Variants in CACNA1B observed in about 807,000 individuals in gnomAD.
CACNA1B encodes calcium voltage-gated channel subunit alpha1 B.
In CACNA1B, 70 loss-of-function variants were observed where a neutral mutation model predicts 247.2. That is an observed-to-expected ratio of 0.28 (90% confidence interval 0.23 to 0.35). CACNA1B has a LOEUF of 0.35. Among genes scored for constraint, CACNA1B ranks in the 10% least tolerant of loss-of-function variants. The probability of loss-of-function intolerance (pLI) is 1.00; values close to 1 mark genes in which losing one functional copy is unlikely to be tolerated. For missense variants in CACNA1B, 2,367 were observed against 3,197.4 expected (o/e 0.74, Z 6.26); for synonymous variants, 1,231 against 1,294.4 (o/e 0.95, Z 1.05).
chr9:138,025,027 T>C lies in CACNA1B; in HGVS notation c.3141T>C (p.Cys1047=). Reference sequence around the variant, plus strand: ...CCATGCACACACTGCCCAGCACCTGTCTCCAGAAGGTGGAGGAACAGCCAG... The same window carrying C: ...CCATGCACACACTGCCCAGCACCTGCCTCCAGAAGGTGGAGGAACAGCCAG... ...VGPMHTLPST[C]LQKVEEQPED... Residue 1047 remains cysteine (C), a synonymous_variant, in exon 20 of 47, where the codon TGT becomes TGC. Transcript: ENST00000371372. 1 of 1,605,834 alleles carries C rather than the reference T, an allele frequency of 6.2e-7. No individual in the cohort carries two copies. Among genetic ancestry groups the C allele is most frequent in the Non-Finnish European group, 8.5e-7 (1 of 1,176,178 alleles).
chr9:137,965,249 G>A (rs2133356641), intron 10 of CACNA1B, among the ~76,000 whole-genome samples: 1 of 152,350 alleles, frequency 6.6e-6, no homozygotes, highest in East Asian at 1.9e-4. Flanking sequence ...AGATGCCTTC[G>A]TTCCCTGATC....
chr9:138,057,140 T>C lies in CACNA1B; in HGVS notation c.3969-592T>C, dbSNP rs1388202745. Among the ~76,000 whole-genome samples the C allele has an allele frequency of 1.3e-5, 2 of 152,094 alleles. No individual in the cohort carries two copies. The highest frequency in any genetic ancestry group is 2.1e-4 in the South Asian group (1 of 4,808). ...TTTTAGTAGAGACGGGGGTTCACCATGTTAGCCAGGATGGTCTCCATCTCC... is the reference window on the plus strand; with the variant it reads ...TTTTAGTAGAGACGGGGGTTCACCACGTTAGCCAGGATGGTCTCCATCTCC... On this transcript the variant is annotated intron_variant, in intron 26 of 46. Transcript: ENST00000371372. This position sits in a 1 kb window ranked among gnomAD's most constrained non-coding sequence, Gnocchi z 4.0.
At chr9:138,085,545 A>G (rs971138786) in intron 36 of CACNA1B, among the ~76,000 whole-genome samples, 8 of 151,256 alleles carry the variant, frequency 5.3e-5, no homozygotes, top group African/African-American at 1.2e-4. Context: ...CAGTCCCCCA[A>G]TAGATTCAAC....
chr9:137,903,200 G>A (rs942436981), intron 3 of CACNA1B, among the ~76,000 whole-genome samples: 4 of 152,048 alleles, frequency 2.6e-5, no homozygotes, highest in Non-Finnish European at 4.4e-5. Flanking sequence ...TGGTCAACAC[G>A]GTGAAACCCC....
At chr9:138,096,197 C>G (rs533690226) in intron 36 of CACNA1B, among the ~76,000 whole-genome samples, 9 of 152,162 alleles carry the variant, frequency 5.9e-5, no homozygotes, top group Admixed American at 5.9e-4. Context: ...GAAGGCCAGT[C>G]TGAGAGGGAA....
At chr9:137,933,374 A>G (rs1425807563) in intron 6 of CACNA1B, among the ~76,000 whole-genome samples, 1 of 152,166 alleles carries the variant, frequency 6.6e-6, no homozygotes, top group African/African-American at 2.4e-5. Context: ...TCAAGGTTCC[A>G]AGGACCGGAC....
intron 20 of CACNA1B, among the ~76,000 whole-genome samples, chr9:138,039,768 C>T (rs758968529): frequency 2.0e-5 from 3 of 151,918 alleles, no homozygotes; most frequent in Admixed American, 1.3e-4. Flanking sequence ...TTTTCATGGT[C>T]GGCTTTTGTT....
chr9:138,120,482 C>T (rs781641956), intron 45 of CACNA1B, 110 bp downstream of exon 45: 18 of 1,388,036 alleles, frequency 1.3e-5, no homozygotes, highest in Non-Finnish European at 1.7e-5. Context: ...GACCCCATAA[C>T]CAGCCAGAGC....
chr9:137,986,644 AC>A lies in CACNA1B; in HGVS notation c.1901+102del. On this transcript the variant is annotated intron_variant, in intron 14 of 46. Transcript: ENST00000371372. This position sits in a 1 kb window ranked among gnomAD's most constrained non-coding sequence, Gnocchi z 6.0. ...CCAGGCTGCCTCCACCCACCTTCCC[AC>A]CAGGAAGGTCCTCAGAGGGGCCAGT... is the stretch of plus-strand genomic sequence containing the variant. 1 of 1,476,112 alleles carries A rather than the reference AC, an allele frequency of 6.8e-7. No individual in the cohort carries two copies. The highest frequency in any genetic ancestry group is 9.4e-7 in the Non-Finnish European group (1 of 1,058,772). 91.4% of individuals were successfully genotyped at this position (1,476,112 alleles called of 1,614,324 possible).
intron 12 of CACNA1B, 47 bp from the exon 13 acceptor site, chr9:137,984,091 A>G: frequency 7.4e-7 from 1 of 1,347,754 alleles, no homozygotes; most frequent in Non-Finnish European, 1.0e-6. Context: ...ATCTGCATGC[A>G]CAGGTGCAGA....
rs1962181800 is a variant in CACNA1B, at chr9:138,123,857, G to C, written c.*1858G>C. 1 of 152,180 alleles carries C rather than the reference G, an allele frequency of 6.6e-6. No homozygotes were observed. The highest frequency in any genetic ancestry group is 1.9e-4 in the East Asian group (1 of 5,198). The allele number at this position is 152,180 out of a possible 1,614,324, so 9.4% of individuals were successfully genotyped here. A position where few individuals can be genotyped will look rare whatever the true frequency, so the allele number is the denominator to read the frequency against. Reference sequence around the variant, plus strand: ...CTCGGACTGTGCATGTGATCACTGTGCTCCTGTTGCAAAGTAGAAGGATGT... The same window carrying C: ...CTCGGACTGTGCATGTGATCACTGTCCTCCTGTTGCAAAGTAGAAGGATGT... On this transcript the variant is annotated 3_prime_UTR_variant, in exon 47 of 47. Transcript: ENST00000371372.
Position 137,952,327 on chromosome 9 carries a change from C to G in CACNA1B, c.1020C>G (p.Ile340Met). ...ACTGGCTCTACTTCATCCCTCTCAT[C>G]ATCATCGGCTCCTTCTTCATGCTCA... ...TWNWLYFIPLIIIGSFFMLNL... is the reference protein window; with the variant it reads ...TWNWLYFIPLMIIGSFFMLNL... Residue 340 changes from isoleucine to methionine, a missense_variant, in exon 7 of 47, where the codon ATC becomes ATG. This residue lies in a region of CACNA1B where 32 missense variants were observed against 37.2 expected (regional missense o/e 0.86). Transcript: ENST00000371372. The surrounding 1 kb of genome is among the most constrained non-coding windows in gnomAD (Gnocchi z 4.8). 6.2e-7 allele frequency: 1 copy of G among 1,613,934 alleles called. No individual in the cohort carries two copies.
In CACNA1B at chr9:137,884,957, T is replaced by TCCC. The variant is rs370592773; in HGVS notation, c.530+2083_530+2085dup. On this transcript the variant is annotated intron_variant, in intron 3 of 46. Transcript: ENST00000371372. ...TCTCCCTCTCCCTCCTCTCCCCTCT[T>TCCC]CCCCCCCCCCCTCCTCCCACTTTGC... 2.7e-3 allele frequency among the ~76,000 whole-genome samples: 166 copies of TCCC among 60,394 alleles called. 2 individuals are homozygous for TCCC. In the East Asian group the frequency reaches 0.032, roughly 12 times the overall value. The allele number at this position is 60,394 out of a possible 152,430, so 39.6% of individuals were successfully genotyped here. A position where few individuals can be genotyped will look rare whatever the true frequency, so the allele number is the denominator to read the frequency against.
chr9:138,001,628 C>G (rs533865398), intron 15 of CACNA1B, among the ~76,000 whole-genome samples: 5 of 151,930 alleles, frequency 3.3e-5, no homozygotes, highest in Admixed American at 2.6e-4. Flanking sequence ...TAGAAAAAAA[C>G]TATTATTATT....
chr9:138,102,915 T>C lies in CACNA1B; in HGVS notation c.5319+108T>C. Reference sequence around the variant, plus strand: ...CCCTTTCAGGGTGCCCGGCTGTCTGTCTGCCGCTCTGCTGTGCGCCCCCGG... The same window carrying C: ...CCCTTTCAGGGTGCCCGGCTGTCTGCCTGCCGCTCTGCTGTGCGCCCCCGG... On this transcript the variant is annotated intron_variant, in intron 38 of 46. Transcript: ENST00000371372. This position sits in a 1 kb window ranked among gnomAD's most constrained non-coding sequence, Gnocchi z 5.4. The C allele has an allele frequency of 1.5e-6, 1 of 653,936 alleles. No individual in the cohort carries two copies. The highest frequency in any genetic ancestry group is 2.9e-5 in the East Asian group (1 of 34,852). The allele number at this position is 653,936 out of a possible 1,614,324, so 40.5% of individuals were successfully genotyped here.
At chr9:137,883,541 C>T (rs1274026085) in intron 3 of CACNA1B, among the ~76,000 whole-genome samples, 1 of 150,390 alleles carries the variant, frequency 6.6e-6, no homozygotes, top group African/African-American at 2.4e-5. Flanking sequence ...CAGTGCTCTG[C>T]ACCCCACCCT....
intron 12 of CACNA1B, among the ~76,000 whole-genome samples, chr9:137,978,195 C>A (rs1189380467): frequency 1.4e-5 from 2 of 143,166 alleles, no homozygotes; most frequent in South Asian, 4.6e-4. Flanking sequence ...AGCATTGCCC[C>A]CCCCCAGGAA....
At chr9:138,009,785 G>A (rs2133418092) in intron 16 of CACNA1B, among the ~76,000 whole-genome samples, 1 of 152,332 alleles carries the variant, frequency 6.6e-6, no homozygotes, top group Non-Finnish European at 1.5e-5. Context: ...ATGGGAGGCT[G>A]AGCAAAGGAG....
chr9:138,122,340 G>A lies in CACNA1B; in HGVS notation c.*341G>A, dbSNP rs202008026. 1.1e-4 allele frequency: 40 copies of A among 348,736 alleles called. No individual in the cohort carries two copies. The East Asian group carries it at 1.3e-3, about 12-fold the overall frequency. 21.6% of individuals were successfully genotyped at this position (348,736 alleles called of 1,614,324 possible). On this transcript the variant is annotated 3_prime_UTR_variant, in exon 47 of 47. Transcript: ENST00000371372. ...GCATCCAGCATGGGTGCTTGGAGCC[G>A]TTGTGAGGAGCTCTGCGTCCTGTGG... is the stretch of plus-strand genomic sequence containing the variant.
Sources: gnomAD v4.1 joint callset for allele counts (sites outside exome capture counted in the v4.1 genomes callset) on GRCh38, gnomAD v4.1.1 for gene constraint, gnomAD v4.1.1 regional missense constraint, Gnocchi (gnomAD v3.1) non-coding constraint, MANE v1.5 for transcripts, NCBI Gene and HGNC (gene_info 2026-07-23, HGNC 2026-07-21) for gene names.